Variants in KCND2 observed in about 807,000 individuals in gnomAD.
The protein encoded by KCND2 is potassium voltage-gated channel subfamily D member 2.
In KCND2, 16 loss-of-function variants were observed where a neutral mutation model predicts 54.4. That is an observed-to-expected ratio of 0.29 (90% CI 0.20 to 0.45). The LOEUF is 0.45. KCND2 is among the 20% of genes least tolerant of loss of function. The pLI, the probability that KCND2 is intolerant of heterozygous loss-of-function variation, is 1.00. For synonymous variants in KCND2, 317 were observed against 310.7 expected (o/e 1.02, Z -0.21); for missense variants, 486 against 824.2 (o/e 0.59, Z 5.02).
At chr7:120,599,912 G>A (rs75543553) in intron 1 of KCND2, among the ~76,000 whole-genome samples, 1 of 151,822 alleles carries the variant, frequency 6.6e-6, no homozygotes, top group Non-Finnish European at 1.5e-5. Flanking sequence ...AGTTAATTAT[G>A]ATGTTGACTC....
At chr7:120,686,771 A>G (rs1290444560) in intron 1 of KCND2, among the ~76,000 whole-genome samples, 1 of 152,062 alleles carries the variant, frequency 6.6e-6, no homozygotes, top group Non-Finnish European at 1.5e-5. Flanking sequence ...TTCCCTTACC[A>G]GTTGAGTGTT....
At chr7:120,622,784 T>C (rs1793118422) in intron 1 of KCND2, among the ~76,000 whole-genome samples, 1 of 151,714 alleles carries the variant, frequency 6.6e-6, no homozygotes, top group African/African-American at 2.4e-5. Context: ...TTTTCCTGTA[T>C]ACATCTGTGG....
chr7:120,621,267 A>C, intron 1 of KCND2, among the ~76,000 whole-genome samples: 1 of 122,780 alleles, frequency 8.1e-6, no homozygotes, highest in Non-Finnish European at 1.6e-5. Flanking sequence ...ACAGAGCAAG[A>C]CTCCGTCTCA....
intron 1 of KCND2, among the ~76,000 whole-genome samples, chr7:120,440,975 G>A (rs1263023187): frequency 1.3e-5 from 2 of 151,918 alleles, no homozygotes; most frequent in Non-Finnish European, 1.5e-5. Context: ...CCTTCTTGCT[G>A]TTGATTCATC....
At chr7:120,678,235 A>C (rs1344484040) in intron 1 of KCND2, among the ~76,000 whole-genome samples, 2 of 151,362 alleles carry the variant, frequency 1.3e-5, no homozygotes, top group African/African-American at 2.4e-5. Flanking sequence ...GCATCTAAAT[A>C]AGCATGGTGC....
chr7:120,695,154 T>A (rs1159930364), intron 1 of KCND2, among the ~76,000 whole-genome samples: 1 of 151,824 alleles, frequency 6.6e-6, no homozygotes, highest in East Asian at 1.9e-4. Context: ...TTTATAAAAA[T>A]CGAAACAGAA....
At chr7:120,351,976 T>G (rs1371189565) in intron 1 of KCND2, among the ~76,000 whole-genome samples, 4 of 151,936 alleles carry the variant, frequency 2.6e-5, no homozygotes, top group Non-Finnish European at 4.4e-5. Flanking sequence ...CACACCAAGC[T>G]AATTTTTGTA....
intron 1 of KCND2, among the ~76,000 whole-genome samples, chr7:120,327,262 T>C (rs1415146720): frequency 6.6e-6 from 1 of 152,058 alleles, no homozygotes; most frequent in East Asian, 1.9e-4. Flanking sequence ...CTGCAGATGG[T>C]ATAACACAGG....
chr7:120,613,516 G>C (rs1036850655), intron 1 of KCND2, among the ~76,000 whole-genome samples: 3 of 152,192 alleles, frequency 2.0e-5, no homozygotes, highest in Non-Finnish European at 2.9e-5. Flanking sequence ...GGGAGACAGA[G>C]CGAGACTCCA....
chr7:120,684,367 TACA>T (rs1437033607), intron 1 of KCND2, among the ~76,000 whole-genome samples: 1 of 152,192 alleles, frequency 6.6e-6, no homozygotes, highest in East Asian at 1.9e-4. Context: ...GAGAAAAAAG[TACA>T]ACATGTACTT....
rs188117310 is a variant in KCND2 at position 120,593,543 on chromosome 7, G to A, written c.1116-139360G>A. Among the ~76,000 whole-genome samples the A allele has an allele frequency of 3.3e-5, 5 of 152,152 alleles. No homozygotes were observed. In the East Asian group the frequency reaches 9.7e-4, roughly 29 times the overall value. On this transcript the variant is annotated intron_variant, in intron 1 of 5. Transcript: ENST00000331113. The stretch of plus-strand genomic sequence containing the variant: ...GAATGCCACCTCCTAGCTACAAACC[G>A]AGCTAATAGACAGGTAAGAAAAATT...
At chr7:120,543,678 A>G (rs191651453) in intron 1 of KCND2, among the ~76,000 whole-genome samples, 1 of 152,170 alleles carries the variant, frequency 6.6e-6, no homozygotes, top group African/African-American at 2.4e-5. Flanking sequence ...ATTGTAATGT[A>G]TGTACAATGT....
intron 1 of KCND2, among the ~76,000 whole-genome samples, chr7:120,539,239 G>A (rs1314181114): frequency 6.6e-6 from 1 of 152,078 alleles, no homozygotes. Flanking sequence ...TTAAATCCTA[G>A]TATTACTGTT....
At chr7:120,615,406 A>G (rs1793011282) in intron 1 of KCND2, among the ~76,000 whole-genome samples, 1 of 152,220 alleles carries the variant, frequency 6.6e-6, no homozygotes, top group South Asian at 2.1e-4. Context: ...ACAATTTCAC[A>G]TATAAAGATT....
intron 1 of KCND2, among the ~76,000 whole-genome samples, chr7:120,687,946 A>AG: frequency 6.6e-6 from 1 of 152,180 alleles, no homozygotes; most frequent in Non-Finnish European, 1.5e-5. Flanking sequence ...ATAAGGGTAG[A>AG]CAGGTAAATA....
At chr7:120,331,712 C>T (rs375225985) in intron 1 of KCND2, among the ~76,000 whole-genome samples, 9 of 151,870 alleles carry the variant, frequency 5.9e-5, no homozygotes, top group African/African-American at 2.2e-4. Flanking sequence ...TCTTCTAGAA[C>T]AATATATGAA....
At chr7:120,508,414 G>A (rs1297961154) in intron 1 of KCND2, among the ~76,000 whole-genome samples, 1 of 151,812 alleles carries the variant, frequency 6.6e-6, no homozygotes, top group Non-Finnish European at 1.5e-5. Flanking sequence ...GATAGATTTT[G>A]GTTTCATACT....
chr7:120,572,644 C>T (rs759544879), intron 1 of KCND2, among the ~76,000 whole-genome samples: 6 of 152,008 alleles, frequency 3.9e-5, no homozygotes, highest in Non-Finnish European at 7.4e-5. Context: ...CAGCCTCCTG[C>T]GTAGCTGGAA....
chr7:120,381,001 G>T (rs1363416276), intron 1 of KCND2, among the ~76,000 whole-genome samples: 2 of 152,030 alleles, frequency 1.3e-5, no homozygotes, highest in Non-Finnish European at 2.9e-5. Context: ...TACAGGCTGG[G>T]GTTGGTGGCT....
Sources: gnomAD v4.1 joint callset for allele counts (sites outside exome capture counted in the v4.1 genomes callset) on GRCh38, gnomAD v4.1.1 for gene constraint, MANE v1.5 for transcripts, NCBI Gene and HGNC (gene_info 2026-07-23, HGNC 2026-07-21) for gene names.